GRIN2B: variants seen among roughly 807,000 people sequenced by gnomAD.
The protein encoded by GRIN2B is glutamate ionotropic receptor NMDA type subunit 2B.
GRIN2B carries 5 observed loss-of-function variants against 114.5 expected under a neutral mutation model. The observed-to-expected ratio is 0.04, with a 90% CI of 0.02 to 0.09. GRIN2B has a LOEUF of 0.09. Ranked by LOEUF, GRIN2B falls within the 10% of genes least tolerant of loss-of-function variation. The pLI is 1.00. For synonymous variants in GRIN2B, 787 were observed against 745.1 expected (o/e 1.06, Z -0.92); for missense variants, 1,108 against 1,943.5 (o/e 0.57, Z 8.08).
intron 3 of GRIN2B, among the ~76,000 whole-genome samples, chr12:13,769,295 C>T (rs1438496117): frequency 6.6e-6 from 1 of 152,016 alleles, no homozygotes; most frequent in Non-Finnish European, 1.5e-5. Flanking sequence ...ACCCTCCCAC[C>T]CCCTCAAGGC....
At chr12:13,620,472 C>T (rs1316311309) in intron 5 of GRIN2B, among the ~76,000 whole-genome samples, 1 of 152,184 alleles carries the variant, frequency 6.6e-6, no homozygotes, top group African/African-American at 2.4e-5. Flanking sequence ...CTGTCCAGCC[C>T]TGGCCCCTGT....
intron 3 of GRIN2B, among the ~76,000 whole-genome samples, chr12:13,850,479 G>A (rs939312571): frequency 3.3e-5 from 5 of 152,190 alleles, no homozygotes; most frequent in Non-Finnish European, 5.9e-5. Context: ...GAATTCCCAT[G>A]CAGCTGCAGC....
chr12:13,636,496 A>G (rs1208563331), intron 5 of GRIN2B, among the ~76,000 whole-genome samples: 2 of 152,204 alleles, frequency 1.3e-5, no homozygotes, highest in South Asian at 2.1e-4. Context: ...AAGACAAGGG[A>G]ACAGGTGATG....
chr12:13,685,537 G>T (rs1215968892), intron 4 of GRIN2B, among the ~76,000 whole-genome samples: 1 of 152,168 alleles, frequency 6.6e-6, no homozygotes, highest in Non-Finnish European at 1.5e-5. Flanking sequence ...ATCTTCCAGG[G>T]TCAAGGGGAC....
Position 13,611,835 on chromosome 12 carries a change from T to A in GRIN2B, c.1670A>T (p.Asp557Val). 6.2e-7 allele frequency: 1 copy of A among 1,613,816 alleles called. No homozygotes were observed. Among genetic ancestry groups the A allele is most frequent in the Non-Finnish European group, 8.5e-7 (1 of 1,179,770 alleles). Residue 557 changes from aspartate (D) to valine (V), a missense_variant, in exon 9 of 14, where the codon GAC becomes GTC. By Grantham distance (152) the Asp-to-Val change is radical (BLOSUM62 -3). Coordinates refer to ENST00000609686, the MANE Select transcript of GRIN2B (RefSeq NM_000834.5). The part of the protein sequence containing the change: ...PSAFLEPFSA[D>V]VWVMMFVMLL... ...CATCACAAACATCATCACCCATACG[T>A]CAGCGCTGAATGGCTCTGAGGAAGG...
intron 2 of GRIN2B, among the ~76,000 whole-genome samples, chr12:13,945,882 C>T (rs992278513): frequency 2.0e-5 from 3 of 152,148 alleles, no homozygotes; most frequent in African/African-American, 7.2e-5. Flanking sequence ...ACTACAGATG[C>T]CAAACAGGGC....
chr12:13,687,986 T>C (rs1268641929), intron 4 of GRIN2B, among the ~76,000 whole-genome samples: 1 of 152,218 alleles, frequency 6.6e-6, no homozygotes, highest in African/African-American at 2.4e-5. Flanking sequence ...AATGTTACCA[T>C]TTATTGAGCA....
chr12:13,611,895 A>T, intron 8 of GRIN2B, 45 bp from the exon 9 acceptor site: 1 of 1,602,312 alleles, frequency 6.2e-7, no homozygotes, highest in Non-Finnish European at 8.6e-7. Flanking sequence ...AACAGAGAGC[A>T]AAAGAATTCG....
chr12:13,721,375 G>T (rs145919570), intron 4 of GRIN2B, among the ~76,000 whole-genome samples: 47 of 152,152 alleles, frequency 3.1e-4, no homozygotes, highest in African/African-American at 1.1e-3. Flanking sequence ...TATTCTGGTT[G>T]TTGTGTGGGG....
intron 2 of GRIN2B, among the ~76,000 whole-genome samples, chr12:13,874,100 C>A (rs182204639): frequency 1.2e-4 from 18 of 152,272 alleles, no homozygotes; most frequent in Non-Finnish European, 1.5e-5. Flanking sequence ...AAGAAGATGG[C>A]CCCATCACTG....
chr12:13,679,624 C>T (rs532286286), intron 4 of GRIN2B, among the ~76,000 whole-genome samples: 19 of 152,268 alleles, frequency 1.2e-4, no homozygotes, highest in East Asian at 1.9e-4. Context: ...CTGTCAGCAG[C>T]ATATAGATTA....
At chr12:13,721,682 G>C (rs556324189) in intron 4 of GRIN2B, among the ~76,000 whole-genome samples, 8 of 152,234 alleles carry the variant, frequency 5.3e-5, no homozygotes, top group African/African-American at 1.7e-4. Context: ...GGTAACTAGA[G>C]AGTCTAGTCT....
chr12:13,622,362 C>A (rs1949526117), intron 5 of GRIN2B, among the ~76,000 whole-genome samples: 1 of 152,130 alleles, frequency 6.6e-6, no homozygotes, highest in African/African-American at 2.4e-5. Context: ...AGCCTAAATT[C>A]TGCATCCCAT....
At chr12:13,967,183 A>G (rs181660425) in intron 2 of GRIN2B, among the ~76,000 whole-genome samples, 2 of 152,236 alleles carry the variant, frequency 1.3e-5, no homozygotes, top group Non-Finnish European at 2.9e-5. Context: ...GCTAATGAGC[A>G]CATCAGAAGA....
chr12:13,892,498 A>AG (rs1866280619), intron 2 of GRIN2B, among the ~76,000 whole-genome samples: 1 of 152,198 alleles, frequency 6.6e-6, no homozygotes, highest in African/African-American at 2.4e-5. Context: ...TAAGTGATCC[A>AG]GGGGGCCAGT....
At chr12:13,875,323 T>C (rs1320843544) in intron 2 of GRIN2B, among the ~76,000 whole-genome samples, 1 of 152,142 alleles carries the variant, frequency 6.6e-6, no homozygotes, top group Non-Finnish European at 1.5e-5. Context: ...GGTCAAGAGA[T>C]CGAGACCATC....
intron 5 of GRIN2B, among the ~76,000 whole-genome samples, chr12:13,656,561 T>C (rs1172297993): frequency 2.0e-5 from 3 of 152,318 alleles, no homozygotes; most frequent in South Asian, 2.1e-4. Context: ...TAGGTTGTTA[T>C]TACTGAGAAT....
chr12:13,699,559 G>A (rs890795236), intron 4 of GRIN2B, among the ~76,000 whole-genome samples: 1 of 152,008 alleles, frequency 6.6e-6, no homozygotes, highest in African/African-American at 2.4e-5. Flanking sequence ...TAGCACCTTG[G>A]AGAGGAGAAA....
intron 4 of GRIN2B, among the ~76,000 whole-genome samples, chr12:13,749,494 T>C (rs1480101095): frequency 6.6e-6 from 1 of 152,214 alleles, no homozygotes; most frequent in Non-Finnish European, 1.5e-5. Context: ...CAGAGAGCCT[T>C]CCTCCCTACT....
Sources: allele counts gnomAD v4.1 joint callset (sites outside exome capture counted in the v4.1 genomes callset), GRCh38; gene constraint gnomAD v4.1.1; transcripts MANE v1.5; gene names NCBI Gene and HGNC (gene_info 2026-07-23, HGNC 2026-07-21).